Variants in C7 observed in about 807,000 individuals in gnomAD.
C7 encodes complement component C7.
In C7, 83 loss-of-function variants were observed where a neutral mutation model predicts 104.8. That is an observed-to-expected ratio of 0.79 (90% CI 0.66 to 0.95). C7 has a LOEUF of 0.95. Among genes scored for constraint, C7 ranks in the 40% least tolerant of loss-of-function variants. The pLI, the probability that C7 is intolerant of heterozygous loss-of-function variation, is 0.00. For missense variants in C7, 1,070 were observed against 1,011.2 expected (o/e 1.06, Z -0.79); for synonymous variants, 415 against 360.6 (o/e 1.15, Z -1.71).
In C7 at chr5:40,983,779, C is replaced by T. The variant is rs1741004105; in HGVS notation, c.*2206C>T. ...GGAAAGTTAAGGGAATGATTTTATACCACAAAAATAAATGGAAAAAGAATA... is the reference window on the plus strand; with the variant it reads ...GGAAAGTTAAGGGAATGATTTTATATCACAAAAATAAATGGAAAAAGAATA... On this transcript the variant is annotated 3_prime_UTR_variant, in exon 18 of 18. Transcript: ENST00000313164. Among the ~76,000 whole-genome samples, 1 of 152,110 alleles carries T rather than the reference C, an allele frequency of 6.6e-6. No individual in the cohort carries two copies.
Position 40,949,918 on chromosome 5 carries a change from G to C in C7, c.997G>C (p.Glu333Gln). Reference protein sequence around the residue: ...KLKQNDFNSVEEKKCKSSGWH... With the variant: ...KLKQNDFNSVQEKKCKSSGWH... ...TTCTCCCCTAGATTTTAATTCAGTCGAAGAAAAGAAATGTAAATCCTCAGG... is the reference window on the plus strand; with the variant it reads ...TTCTCCCCTAGATTTTAATTCAGTCCAAGAAAAGAAATGTAAATCCTCAGG... The change falls in exon 9 of 18, where the codon GAA (glutamate) becomes CAA (glutamine). Residue 333 changes from glutamate to glutamine, a missense_variant. Glu to Gln is a conservative substitution (Grantham distance 29). Coordinates refer to ENST00000313164, the MANE Select transcript of C7 (RefSeq NM_000587.4). 6.3e-7 allele frequency: 1 copy of C among 1,584,964 alleles called. No homozygotes were observed. The highest frequency in any genetic ancestry group is 8.6e-7 in the Non-Finnish European group (1 of 1,161,882).
intron 8 of C7, among the ~76,000 whole-genome samples, chr5:40,949,668 C>T (rs1476118748): frequency 6.6e-6 from 1 of 152,090 alleles, no homozygotes; most frequent in African/African-American, 2.4e-5. Context: ...ACTCCCTGCA[C>T]CTTTTTATGT....
Position 40,982,546 on chromosome 5 carries a change from A to C in C7, c.*973A>C, listed in dbSNP as rs543026088. ...TCTTGTCTGAGAACAAATACAATTC[A>C]GTCTTCTCTTTGGGGTTTTAGTATG... On this transcript the variant is annotated 3_prime_UTR_variant, in exon 18 of 18. Transcript: ENST00000313164. 6.6e-6 allele frequency: 1 copy of C among 152,354 alleles called. No homozygotes were observed. Among genetic ancestry groups the C allele is most frequent in the Non-Finnish European group, 1.5e-5 (1 of 68,044 alleles). The allele number at this position is 152,354 out of a possible 1,614,324, so 9.4% of individuals were successfully genotyped here.
intron 3 of C7, 102 bp downstream of exon 3, chr5:40,931,241 AT>A (rs1278858867): frequency 2.5e-6 from 2 of 812,902 alleles, no homozygotes; most frequent in African/African-American, 1.7e-5. Context: ...TAGTGTCAAT[AT>A]TTTTTGAAAA....
At chr5:40,957,227 G>A (rs1446431743) in intron 10 of C7, among the ~76,000 whole-genome samples, 1 of 152,218 alleles carries the variant, frequency 6.6e-6, no homozygotes, top group Non-Finnish European at 1.5e-5. Context: ...GTTCCTGGGA[G>A]AGCAGACTGT....
At chr5:40,942,298 G>A (rs533634635) in intron 6 of C7, among the ~76,000 whole-genome samples, 1 of 152,276 alleles carries the variant, frequency 6.6e-6, no homozygotes, top group African/African-American at 2.4e-5. Flanking sequence ...TGATAGAAAG[G>A]AGCCAGTAGA....
chr5:40,975,234 A>C (rs374910162), intron 15 of C7, among the ~76,000 whole-genome samples: 1 of 152,196 alleles, frequency 6.6e-6, no homozygotes, highest in South Asian at 2.1e-4. Flanking sequence ...ATATTAGTAC[A>C]ATGCTATTGA....
intron 3 of C7, among the ~76,000 whole-genome samples, chr5:40,931,495 G>C (rs1739682446): frequency 6.6e-6 from 1 of 152,136 alleles, no homozygotes; most frequent in Non-Finnish European, 1.5e-5. Context: ...TGTTCACTGA[G>C]TTCAACTTTT....
Position 40,937,701 on chromosome 5 carries a change from C to T in C7, c.567+11C>T, listed in dbSNP as rs370831179. 6.1e-4 allele frequency: 938 copies of T among 1,546,652 alleles called. No individual in the cohort carries two copies. The highest frequency in any genetic ancestry group is 7.3e-4 in the Non-Finnish European group (834 of 1,145,558). ...TCCTATACATTCCAGGTACTTACGA[C>T]GTTATTGATTTCCAATCTGGAATTG... On this transcript the variant is annotated intron_variant, in intron 6 of 17. Coordinates refer to ENST00000313164, the MANE Select transcript of C7 (RefSeq NM_000587.4).
chr5:40,940,749 C>G (rs1168693234), intron 6 of C7, among the ~76,000 whole-genome samples: 1 of 152,058 alleles, frequency 6.6e-6, no homozygotes, highest in Non-Finnish European at 1.5e-5. Flanking sequence ...TTACATGGAC[C>G]TATTTTCCTT....
Position 40,934,428 on chromosome 5 carries a change from C to G in C7, c.242C>G (p.Thr81Arg), listed in dbSNP as rs1579847582. 6.2e-7 allele frequency: 1 copy of G among 1,613,770 alleles called. No homozygotes were observed. Among genetic ancestry groups the G allele is most frequent in the East Asian group, 2.2e-5 (1 of 44,878 alleles). The stretch of plus-strand genomic sequence containing the variant: ...TGTGAACCTACAAGAGGATGTCCAA[C>G]AGAGGAGGGATGTGGAGAGCGTTTC... ...QSCEPTRGCP[T>R]EEGCGERFRC... is the part of the protein sequence containing the mutation. Residue 81 changes from threonine (T) to arginine (R), a missense_variant, in exon 4 of 18, where the codon ACA (threonine) becomes AGA (arginine). Thr to Arg is a moderately conservative substitution (Grantham distance 71). Coordinates refer to ENST00000313164, the MANE Select transcript of C7 (RefSeq NM_000587.4).
intron 1 of C7, among the ~76,000 whole-genome samples, chr5:40,917,159 A>G (rs1358549318): frequency 4.6e-5 from 7 of 151,790 alleles, no homozygotes; most frequent in African/African-American, 1.2e-4. Context: ...GAAAAAGAAT[A>G]TAATATATTG....
At chr5:40,975,615 C>T (rs1003367906) in intron 15 of C7, among the ~76,000 whole-genome samples, 4 of 152,130 alleles carry the variant, frequency 2.6e-5, no homozygotes, top group Admixed American at 6.5e-5. Context: ...CTGCCTGCCT[C>T]GGCCTCCCAA....
chr5:40,958,151 G>A lies in C7; in HGVS notation c.1379G>A (p.Cys460Tyr), dbSNP rs1429476333. The A allele has an allele frequency of 3.7e-6, 6 of 1,613,886 alleles. No homozygotes were observed. Among genetic ancestry groups the A allele is most frequent in the Non-Finnish European group, 5.1e-6 (6 of 1,179,802 alleles). ...DEFDPCHCRP[C>Y]QNGGLATVEG... Reference sequence around the variant, plus strand: ...TTTGACCCCTGTCATTGCCGGCCTTGTCAAAATGGTGGTTTGGCTACTGTT... The same window carrying A: ...TTTGACCCCTGTCATTGCCGGCCTTATCAAAATGGTGGTTTGGCTACTGTT... The change falls in exon 11 of 18, where the codon TGT becomes TAT. Residue 460 changes from cysteine to tyrosine, a missense_variant. Physicochemically the swap from Cys to Tyr is radical, Grantham distance 194. Coordinates refer to ENST00000313164, the MANE Select transcript of C7 (RefSeq NM_000587.4).
At chr5:40,971,651 A>G (rs1159144649) in intron 14 of C7, among the ~76,000 whole-genome samples, 1 of 152,088 alleles carries the variant, frequency 6.6e-6, no homozygotes, top group African/African-American at 2.4e-5. Flanking sequence ...TTAGTCATGA[A>G]GTCTTTGCCC....
intron 5 of C7, 102 bp downstream of exon 5, chr5:40,936,587 C>A: frequency 9.5e-7 from 1 of 1,051,648 alleles, no homozygotes; most frequent in Non-Finnish European, 1.4e-6. Context: ...TTCTAATAGG[C>A]AAGATTATTC....
chr5:40,964,455 T>C (rs2443038), intron 13 of C7: 22,951 of 204,992 alleles, frequency 0.11, 2,028 homozygotes, highest in East Asian at 0.2. Context: ...AGTGTCCAAA[T>C]AATTTTAATA....
intron 1 of C7, among the ~76,000 whole-genome samples, chr5:40,926,436 G>T (rs1324709134): frequency 6.6e-6 from 1 of 152,118 alleles, no homozygotes; most frequent in Non-Finnish European, 1.5e-5. Context: ...GCAAGAAAAA[G>T]AAATGAAAGG....
chr5:40,934,868 C>T (rs1739780879), intron 4 of C7, among the ~76,000 whole-genome samples: 1 of 152,182 alleles, frequency 6.6e-6, no homozygotes, highest in Admixed American at 6.5e-5. Context: ...AGGAGCAATA[C>T]AGTTCTCTCC....
Sources: allele counts gnomAD v4.1 joint callset (sites outside exome capture counted in the v4.1 genomes callset), GRCh38; gene constraint gnomAD v4.1.1; transcripts MANE v1.5; gene names NCBI Gene and HGNC (gene_info 2026-07-23, HGNC 2026-07-21).